The following MRPS33 variants were observed in gnomAD, a reference collection of about 807,000 sequenced individuals.
MRPS33 encodes the protein small ribosomal subunit protein mS33.
Under a neutral mutation model 11.2 loss-of-function variants are expected in MRPS33, and 11 were observed. The observed-to-expected ratio is 0.99, with a 90% confidence interval of 0.62 to 1.63. The LOEUF (loss-of-function observed/expected upper bound fraction) is 1.63. Ranked by LOEUF, MRPS33 falls within the 40% of genes most tolerant of loss-of-function variation. The probability of loss-of-function intolerance (pLI) is 0.00; values close to 1 mark genes in which losing one functional copy is unlikely to be tolerated. For synonymous variants in MRPS33, 46 were observed against 44.0 expected, an observed-to-expected ratio of 1.05 and a Z score of -0.18; for missense variants, 109 against 127.8, an observed-to-expected ratio of 0.85 and a Z score of 0.71.
intron 2 of MRPS33, among the ~76,000 whole-genome samples, chr7:141,007,715 A>C (rs1353338948): frequency 1.3e-5 from 2 of 151,912 alleles, no homozygotes; most frequent in African/African-American, 2.4e-5. Flanking sequence ...CCCAAGTCCT[A>C]CTTGGCTCAC....
intron 1 of MRPS33, among the ~76,000 whole-genome samples, chr7:141,011,207 T>A (rs1452008814): frequency 6.6e-6 from 1 of 152,170 alleles, no homozygotes; most frequent in East Asian, 1.9e-4. Context: ...GCTTCTAGGT[T>A]ACTGAACTGA....
chr7:141,011,622 G>C (rs961357098), intron 1 of MRPS33, among the ~76,000 whole-genome samples: 1 of 152,096 alleles, frequency 6.6e-6, no homozygotes, highest in Non-Finnish European at 1.5e-5. Context: ...AATTTTAGTA[G>C]TGAGATGAGA....
chr7:141,013,139 C>T (rs1201631745), intron 1 of MRPS33, among the ~76,000 whole-genome samples: 1 of 151,652 alleles, frequency 6.6e-6, no homozygotes, highest in East Asian at 1.9e-4. Flanking sequence ...GGAATGATGA[C>T]CTCATTTACA....
At chr7:141,011,463 C>T (rs1023040367) in intron 1 of MRPS33, among the ~76,000 whole-genome samples, 3 of 151,998 alleles carry the variant, frequency 2.0e-5, no homozygotes, top group South Asian at 2.1e-4. Context: ...GAATGATATC[C>T]GTGATATGCA....
intron 1 of MRPS33, among the ~76,000 whole-genome samples, chr7:141,012,526 T>A (rs189900832): frequency 6.6e-6 from 1 of 152,336 alleles, no homozygotes; most frequent in Non-Finnish European, 1.5e-5. Context: ...GCCTTGCAAA[T>A]GTCCAGAGTC....
intron 2 of MRPS33, among the ~76,000 whole-genome samples, chr7:141,008,428 C>A (rs1396021578): frequency 6.6e-6 from 1 of 152,108 alleles, no homozygotes; most frequent in East Asian, 1.9e-4. Context: ...GAGGTAGTCC[C>A]AAAGCAATTC....
intron 1 of MRPS33, chr7:141,014,239 A>C (rs745472064): frequency 1.3e-5 from 2 of 152,138 alleles, no homozygotes; most frequent in Non-Finnish European, 2.9e-5. Context: ...TGCCCACCCT[A>C]ATAACCATCA....
At chr7:141,008,476 T>C (rs779348630) in intron 2 of MRPS33, among the ~76,000 whole-genome samples, 33 of 152,352 alleles carry the variant, frequency 2.2e-4, no homozygotes, top group Non-Finnish European at 3.1e-4. Flanking sequence ...TAACCTCTAA[T>C]GTTAACCAAG....
chr7:141,008,931 AT>A (rs945143687), intron 2 of MRPS33, among the ~76,000 whole-genome samples: 6 of 151,482 alleles, frequency 4.0e-5, no homozygotes, highest in African/African-American at 1.5e-4. Context: ...AGTAGCTGGG[AT>A]TACAGGCATG....
At chr7:141,013,733 C>T (rs1246732442) in intron 1 of MRPS33, among the ~76,000 whole-genome samples, 14 of 152,190 alleles carry the variant, frequency 9.2e-5, no homozygotes. Flanking sequence ...AAACAAATTA[C>T]TCAAATGTGC....
chr7:141,014,823 C>T (rs1460202781), intron 1 of MRPS33, 88 bp downstream of exon 1: 2 of 152,268 alleles, frequency 1.3e-5, no homozygotes, highest in Non-Finnish European at 1.5e-5. Flanking sequence ...TCGCCCTATT[C>T]CTGGCGACTC....
chr7:141,009,462 C>T (rs1291404266), intron 2 of MRPS33, among the ~76,000 whole-genome samples: 1 of 151,372 alleles, frequency 6.6e-6, no homozygotes, highest in Non-Finnish European at 1.5e-5. Flanking sequence ...GAGATGCACA[C>T]AGTTCTAAGC....
At chr7:141,011,178 T>C (rs1820666519) in intron 1 of MRPS33, among the ~76,000 whole-genome samples, 1 of 152,242 alleles carries the variant, frequency 6.6e-6, no homozygotes, top group South Asian at 2.1e-4. Context: ...GAGCTGCTAA[T>C]GAGTTATGAG....
At position 141,004,719 on chromosome 7, in the gene MRPS33, C is replaced by G. The variant is rs367927982; in HGVS notation, c.*1711G>C. The G allele has an allele frequency of 6.6e-6, 1 of 151,956 alleles. No homozygotes were observed. Among genetic ancestry groups the G allele is most frequent in the African/African-American group, 2.4e-5 (1 of 41,356 alleles). 9.4% of individuals were successfully genotyped at this position (151,956 alleles called of 1,614,324 possible). On this transcript the variant is annotated 3_prime_UTR_variant, in exon 3 of 3. Transcript: ENST00000324787. ...AAAATTACTGGACATGCTAAAGATT[C>G]AGAACAACTGTTGGAAAAAAAAATC...
At chr7:141,009,214 C>T (rs1485863814) in intron 2 of MRPS33, among the ~76,000 whole-genome samples, 1 of 151,792 alleles carries the variant, frequency 6.6e-6, no homozygotes, top group Admixed American at 6.6e-5. Flanking sequence ...TCACTGCAAC[C>T]TCCATCTCCT....
rs1304813349 is a variant in MRPS33, at chr7:141,006,548, G to A, written c.216-13C>T. ...CTGATGCTCATCTCTGAATGAAGAA[G>A]GAAAAAATAATTAACCAGTTATTTT... On this transcript the variant is annotated splice_polypyrimidine_tract_variant and intron_variant, in intron 2 of 2. Transcript: ENST00000324787. 1 of 1,604,074 alleles carries A rather than the reference G, an allele frequency of 6.2e-7. No homozygotes were observed. Among genetic ancestry groups the A allele is most frequent in the Non-Finnish European group, 8.5e-7 (1 of 1,172,914 alleles).
rs1244870778 is a variant in MRPS33, at chr7:141,002,884, C to T, written c.*3546G>A. On this transcript the variant is annotated 3_prime_UTR_variant, in exon 3 of 3. Transcript: ENST00000324787. ...GTCAATGCTGCCACAGAAAATTGCGCTAGTAAGACACAGCAGTACTTACTA... is the reference window on the plus strand; with the variant it reads ...GTCAATGCTGCCACAGAAAATTGCGTTAGTAAGACACAGCAGTACTTACTA... The T allele has an allele frequency of 6.5e-6, 1 of 153,878 alleles. No homozygotes were observed. Among genetic ancestry groups the T allele is most frequent in the Non-Finnish European group, 1.4e-5 (1 of 69,300 alleles). 9.5% of individuals were successfully genotyped at this position (153,878 alleles called of 1,614,324 possible). A position where few individuals can be genotyped will look rare whatever the true frequency, so the allele number is the denominator to read the frequency against.
chr7:141,010,382 A>T, intron 2 of MRPS33, 37 bp downstream of exon 2: 1 of 1,592,282 alleles, frequency 6.3e-7, no homozygotes, highest in Non-Finnish European at 8.6e-7. Flanking sequence ...TACTGAAAAA[A>T]AGTCTCTCAT....
In MRPS33 at chr7:141,006,533, T is replaced by C; in HGVS notation, c.218A>G (p.Asp73Gly). ...QTLRFLGLYRDEHQDFMDEQK... is the reference protein window; with the variant it reads ...QTLRFLGLYRGEHQDFMDEQK... ...CTCATCCATAAAATCCTGATGCTCA[T>C]CTCTGAATGAAGAAGGAAAAAATAA... The change falls in exon 3 of 3, where the codon GAT becomes GGT. Residue 73 changes from aspartate (D) to glycine (G), a missense_variant and splice_region_variant. Transcript: ENST00000324787. 3 of 1,612,776 alleles carry C rather than the reference T, an allele frequency of 1.9e-6. No homozygotes were observed. Among genetic ancestry groups the C allele is most frequent in the Middle Eastern group, 1.7e-4 (1 of 6,056 alleles).
Sources: gnomAD v4.1 joint callset for allele counts (sites outside exome capture counted in the v4.1 genomes callset) on GRCh38, gnomAD v4.1.1 for gene constraint, MANE v1.5 for transcripts, NCBI Gene and HGNC (gene_info 2026-07-23, HGNC 2026-07-21) for gene names.